The following ADCK1 variants were observed in gnomAD, a reference collection of about 807,000 sequenced individuals.
The protein encoded by ADCK1 is aarF domain-containing protein kinase 1.
A neutral mutation model predicts 52.3 loss-of-function variants in ADCK1; 41 were observed. The ratio of observed to expected loss-of-function variants is 0.78; its 90% CI spans 0.61 to 1.02. The LOEUF (loss-of-function observed/expected upper bound fraction) is 1.02, where lower values mean the gene tolerates loss of function less well. Among genes scored for constraint, ADCK1 ranks in the 50% least tolerant of loss-of-function variants. The pLI, the probability that ADCK1 is intolerant of heterozygous loss-of-function variation, is 0.00. For missense variants in ADCK1, 658 were observed against 679.5 expected, an observed-to-expected ratio of 0.97 and a Z score of 0.35; for synonymous variants, 250 against 274.6, an observed-to-expected ratio of 0.91 and a Z score of 0.89.
chr14:77,891,114 C>T (rs1001978028), intron 5 of ADCK1, among the ~76,000 whole-genome samples: 7 of 152,016 alleles, frequency 4.6e-5, no homozygotes, highest in African/African-American at 1.7e-4. Context: ...CTGATAGCCT[C>T]TATTTTTTCT....
chr14:77,825,645 T>G (rs2081681274), intron 3 of ADCK1, among the ~76,000 whole-genome samples: 1 of 151,620 alleles, frequency 6.6e-6, no homozygotes, highest in Non-Finnish European at 1.5e-5. Context: ...GTTAGGTTTT[T>G]TTTTTTTTTT....
intron 7 of ADCK1, chr14:77,914,589 G>T: frequency 2.0e-6 from 2 of 985,368 alleles, no homozygotes; most frequent in Non-Finnish European, 2.4e-6. Flanking sequence ...TTGGGTCCTG[G>T]GTGGGAAGAG....
In ADCK1 at chr14:77,928,553, C is replaced by T. The variant is rs557194912; in HGVS notation, c.1206+2592C>T. On this transcript the variant is annotated intron_variant, in intron 9 of 10. Transcript: ENST00000238561. Reference sequence around the variant, plus strand: ...CTTGGCTCACTGCAACCTCTGCCTCCCAGGTTCAAGCCATTCTCCTGCCTC... The same window carrying T: ...CTTGGCTCACTGCAACCTCTGCCTCTCAGGTTCAAGCCATTCTCCTGCCTC... 5.3e-5 allele frequency among the ~76,000 whole-genome samples: 8 copies of T among 152,030 alleles called. No homozygotes were observed. In the South Asian group the frequency reaches 1.7e-3, roughly 32 times the overall value.
intron 1 of ADCK1, among the ~76,000 whole-genome samples, chr14:77,818,353 C>T (rs1358041201): frequency 3.3e-5 from 5 of 152,158 alleles, no homozygotes; most frequent in East Asian, 3.9e-4. Flanking sequence ...ACGATCTCAG[C>T]TCACTGCAGT....
intron 5 of ADCK1, among the ~76,000 whole-genome samples, chr14:77,898,685 T>C (rs2083463988): frequency 6.6e-6 from 1 of 152,070 alleles, no homozygotes; most frequent in South Asian, 2.1e-4. Flanking sequence ...AAAGAGCTAA[T>C]GCATGCCAGG....
At chr14:77,843,485 C>T (rs1299028896) in intron 3 of ADCK1, among the ~76,000 whole-genome samples, 2 of 152,162 alleles carry the variant, frequency 1.3e-5, no homozygotes, top group Non-Finnish European at 2.9e-5. Context: ...GGGTCCTCTT[C>T]AGCTTTTCTG....
chr14:77,898,458 C>T (rs888687450), intron 5 of ADCK1, among the ~76,000 whole-genome samples: 10 of 152,070 alleles, frequency 6.6e-5, no homozygotes, highest in African/African-American at 2.4e-4. Context: ...ACTATGCAAC[C>T]ATAAAAAGGA....
intron 3 of ADCK1, among the ~76,000 whole-genome samples, chr14:77,855,571 G>T (rs1334768507): frequency 6.6e-6 from 1 of 152,148 alleles, no homozygotes; most frequent in Non-Finnish European, 1.5e-5. Flanking sequence ...TTTCCCCTAA[G>T]ACATGATGAG....
At chr14:77,805,462 A>C (rs1158953637) in intron 1 of ADCK1, among the ~76,000 whole-genome samples, 2 of 151,800 alleles carry the variant, frequency 1.3e-5, no homozygotes, top group East Asian at 3.9e-4. Flanking sequence ...GGGCTTCACC[A>C]CATTGGCCAG....
At chr14:77,903,529 T>G (rs986374078) in intron 6 of ADCK1, among the ~76,000 whole-genome samples, 2 of 152,174 alleles carry the variant, frequency 1.3e-5, no homozygotes, top group African/African-American at 4.8e-5. Context: ...CTAGGCTGAA[T>G]GATTAAGGCC....
At chr14:77,890,261 GC>G (rs1420036430) in intron 5 of ADCK1, among the ~76,000 whole-genome samples, 10 of 152,284 alleles carry the variant, frequency 6.6e-5, no homozygotes, top group African/African-American at 2.4e-4. Flanking sequence ...TTCCTGGCTG[GC>G]AAGTTGGTGC....
At chr14:77,840,904 G>A (rs2082052602) in intron 3 of ADCK1, among the ~76,000 whole-genome samples, 1 of 144,310 alleles carries the variant, frequency 6.9e-6, no homozygotes, top group Non-Finnish European at 1.5e-5. Flanking sequence ...AGGAGGGGAG[G>A]GGAGGGAAGA....
At chr14:77,890,156 A>G (rs888029582) in intron 5 of ADCK1, among the ~76,000 whole-genome samples, 1 of 152,280 alleles carries the variant, frequency 6.6e-6, no homozygotes, top group African/African-American at 2.4e-5. Flanking sequence ...TGTTTTGCTC[A>G]TGAATTCGCA....
chr14:77,910,430 C>A (rs1173488030), intron 7 of ADCK1, among the ~76,000 whole-genome samples: 1 of 152,004 alleles, frequency 6.6e-6, no homozygotes, highest in African/African-American at 2.4e-5. Flanking sequence ...AAGCAGAATA[C>A]AGTCTTTGGT....
intron 1 of ADCK1, among the ~76,000 whole-genome samples, chr14:77,809,478 C>T (rs995654146): frequency 1.3e-5 from 2 of 151,880 alleles, no homozygotes; most frequent in Non-Finnish European, 2.9e-5. Context: ...TACAGACGTC[C>T]ACCACCACGC....
intron 1 of ADCK1, among the ~76,000 whole-genome samples, chr14:77,810,459 C>T (rs1344746601): frequency 6.6e-6 from 1 of 151,904 alleles, no homozygotes; most frequent in Non-Finnish European, 1.5e-5. Flanking sequence ...CTCTCAAGAG[C>T]TCCCCTTCAT....
intron 3 of ADCK1, among the ~76,000 whole-genome samples, chr14:77,852,283 C>T (rs1432402272): frequency 6.6e-6 from 1 of 152,172 alleles, no homozygotes; most frequent in East Asian, 1.9e-4. Context: ...AGGCATGAGC[C>T]ACCAAGCCTG....
At chr14:77,831,413 A>C (rs1441724125) in intron 3 of ADCK1, among the ~76,000 whole-genome samples, 5 of 152,046 alleles carry the variant, frequency 3.3e-5, no homozygotes, top group African/African-American at 1.2e-4. Flanking sequence ...GTGGGAGGGG[A>C]GGTAGCTGTA....
intron 4 of ADCK1, among the ~76,000 whole-genome samples, chr14:77,864,663 G>A (rs1190079155): frequency 6.7e-6 from 1 of 150,030 alleles, no homozygotes; most frequent in South Asian, 2.1e-4. Flanking sequence ...GTGTGTGTAT[G>A]TGTGTTTGTG....
Sources: allele counts gnomAD v4.1 joint callset (sites outside exome capture counted in the v4.1 genomes callset), GRCh38; gene constraint gnomAD v4.1.1; transcripts MANE v1.5; gene names NCBI Gene and HGNC (gene_info 2026-07-23, HGNC 2026-07-21).